MRTFB: variants seen among roughly 807,000 people sequenced by gnomAD.
MRTFB encodes myocardin related transcription factor B.
Under a neutral mutation model 104.2 loss-of-function variants are expected in MRTFB, and 29 were observed. The ratio of observed to expected loss-of-function variants is 0.28; its 90% CI spans 0.21 to 0.38. The LOEUF (loss-of-function observed/expected upper bound fraction) is 0.38, where lower values mean the gene tolerates loss of function less well. Ranked by LOEUF, MRTFB falls within the 10% of genes least tolerant of loss-of-function variation. The pLI is 1.00. For missense variants in MRTFB, 1,270 were observed against 1,341.6 expected, an observed-to-expected ratio of 0.95 and a Z score of 0.83; for synonymous variants, 535 against 519.5, an observed-to-expected ratio of 1.03 and a Z score of -0.41.
chr16:14,250,027 G>C (rs2043191782), intron 13 of MRTFB, among the ~76,000 whole-genome samples: 1 of 152,200 alleles, frequency 6.6e-6, no homozygotes, highest in Non-Finnish European at 1.5e-5. Context: ...GTAATTAAAA[G>C]CTTAGTAAAT....
chr16:14,164,431 G>T (rs143486757), intron 3 of MRTFB, among the ~76,000 whole-genome samples: 1 of 151,914 alleles, frequency 6.6e-6, no homozygotes, highest in African/African-American at 2.4e-5. Flanking sequence ...ATAGTATTCT[G>T]TTGTGTGTTT....
the MRTFB span, among the ~76,000 whole-genome samples, chr16:14,024,739 T>G: frequency 6.6e-6 from 1 of 152,212 alleles, no homozygotes; most frequent in African/African-American, 2.4e-5. Flanking sequence ...AACTTCTATC[T>G]CTATTTTTTA....
At chr16:14,236,082 G>A (rs899493567) in intron 9 of MRTFB, among the ~76,000 whole-genome samples, 1 of 152,196 alleles carries the variant, frequency 6.6e-6, no homozygotes, top group Non-Finnish European at 1.5e-5. Context: ...CTCGGAGGCT[G>A]AGGTGGGAGG....
At chr16:14,004,897 C>T in the MRTFB span, among the ~76,000 whole-genome samples, 1 of 152,232 alleles carries the variant, frequency 6.6e-6, no homozygotes, top group East Asian at 1.9e-4. Flanking sequence ...CCCATCTGTC[C>T]ACCTGGATCT....
intron 3 of MRTFB, among the ~76,000 whole-genome samples, chr16:14,181,892 T>C (rs2039783025): frequency 6.6e-6 from 1 of 152,228 alleles, no homozygotes; most frequent in African/African-American, 2.4e-5. Context: ...ATTAAATATC[T>C]GCCTGGGGTG....
the MRTFB span, among the ~76,000 whole-genome samples, chr16:14,006,307 C>T: frequency 0.12 from 18,763 of 151,920 alleles, 1,820 homozygotes; most frequent in African/African-American, 0.27. Context: ...TGTGTCATTG[C>T]ACTCCAGCCT....
the MRTFB span, among the ~76,000 whole-genome samples, chr16:13,996,671 C>G: frequency 2.6e-5 from 4 of 152,140 alleles, no homozygotes; most frequent in Non-Finnish European, 5.9e-5. Flanking sequence ...GATAGCATGA[C>G]AAATGATGGA....
At chr16:14,249,913 C>G (rs76602653) in intron 13 of MRTFB, among the ~76,000 whole-genome samples, 3,664 of 152,312 alleles carry the variant, frequency 0.024, 66 homozygotes, top group Middle Eastern at 0.078. Context: ...TTGGGGACAG[C>G]TGCAGTCACA....
chr16:14,172,232 C>A (rs535029499), intron 3 of MRTFB, among the ~76,000 whole-genome samples: 3 of 152,120 alleles, frequency 2.0e-5, no homozygotes, highest in Admixed American at 2.0e-4. Context: ...CCGCCTCCCC[C>A]CCACAAACAA....
intron 2 of MRTFB, among the ~76,000 whole-genome samples, chr16:14,100,131 C>T (rs987846926): frequency 3.9e-5 from 6 of 152,140 alleles, no homozygotes; most frequent in Non-Finnish European, 8.8e-5. Context: ...TCTAGCAGAG[C>T]CTGTGTAATG....
the MRTFB span, among the ~76,000 whole-genome samples, chr16:14,049,929 C>T: frequency 3.6e-4 from 55 of 152,282 alleles, no homozygotes; most frequent in African/African-American, 1.3e-3. Context: ...GACGGGGTTT[C>T]ACCATATTGG....
chr16:14,176,778 C>T (rs1170880264), intron 3 of MRTFB, among the ~76,000 whole-genome samples: 1 of 152,238 alleles, frequency 6.6e-6, no homozygotes, highest in Non-Finnish European at 1.5e-5. Flanking sequence ...AAACACTTAA[C>T]ACCATGCATA....
At chr16:14,202,464 C>T (rs1052006632) in intron 3 of MRTFB, among the ~76,000 whole-genome samples, 1 of 152,060 alleles carries the variant, frequency 6.6e-6, no homozygotes, top group South Asian at 2.1e-4. Context: ...GTTTGAGTCC[C>T]GGGCTCAGAA....
At chr16:14,086,866 CAG>C (rs758588865) in intron 2 of MRTFB, among the ~76,000 whole-genome samples, 26 of 152,080 alleles carry the variant, frequency 1.7e-4, no homozygotes, top group Admixed American at 2.6e-4. Context: ...TGTACTTAAA[CAG>C]AAAGTTTTAA....
intron 2 of MRTFB, among the ~76,000 whole-genome samples, chr16:14,093,619 G>T (rs772246617): frequency 5.9e-5 from 9 of 152,128 alleles, no homozygotes; most frequent in Non-Finnish European, 1.0e-4. Context: ...CATTTGAATT[G>T]CAGATTAATG....
At chr16:14,159,651 C>T (rs1038220968) in intron 3 of MRTFB, among the ~76,000 whole-genome samples, 7 of 152,100 alleles carry the variant, frequency 4.6e-5, no homozygotes, top group Admixed American at 3.3e-4. Context: ...GAATCATGGC[C>T]GGGCGCGGTG....
chr16:14,196,753 G>A (rs2040449311), intron 3 of MRTFB, among the ~76,000 whole-genome samples: 1 of 152,152 alleles, frequency 6.6e-6, no homozygotes, highest in African/African-American at 2.4e-5. Flanking sequence ...GCTGGTGGAA[G>A]TTTGCTTACC....
intron 2 of MRTFB, among the ~76,000 whole-genome samples, chr16:14,132,794 C>G (rs2037504261): frequency 6.6e-6 from 1 of 152,172 alleles, no homozygotes; most frequent in African/African-American, 2.4e-5. Flanking sequence ...TCTCTCCATT[C>G]CCTTTGTTTC....
At chr16:14,175,468 C>T (rs1025121819) in intron 3 of MRTFB, among the ~76,000 whole-genome samples, 1 of 152,138 alleles carries the variant, frequency 6.6e-6, no homozygotes, top group Non-Finnish European at 1.5e-5. Context: ...TAGCATTCTC[C>T]TATATGCATT....
Sources: allele counts gnomAD v4.1 joint callset (sites outside exome capture counted in the v4.1 genomes callset), GRCh38; gene constraint gnomAD v4.1.1; transcripts MANE v1.5; gene names NCBI Gene and HGNC (gene_info 2026-07-23, HGNC 2026-07-21).